PDE8B: variants seen among roughly 807,000 people sequenced by gnomAD.
The protein encoded by PDE8B is phosphodiesterase 8B, also known as high affinity cAMP-specific and IBMX-insensitive 3',5'-cyclic phosphodiesterase 8B.
In PDE8B, 26 loss-of-function variants were observed where a neutral mutation model predicts 101.3. The ratio of observed to expected loss-of-function variants is 0.26; its 90% CI spans 0.19 to 0.36. The LOEUF is 0.36. Among genes scored for constraint, PDE8B ranks in the 10% least tolerant of loss-of-function variants. The probability of loss-of-function intolerance (pLI) is 1.00; values close to 1 mark genes in which losing one functional copy is unlikely to be tolerated. For synonymous variants in PDE8B, 424 were observed against 429.3 expected (o/e 0.99, Z 0.15); for missense variants, 810 against 1,163.1 (o/e 0.70, Z 4.42).
intron 1 of PDE8B, among the ~76,000 whole-genome samples, chr5:77,215,155 T>C (rs1264662541): frequency 6.6e-6 from 1 of 152,166 alleles, no homozygotes; most frequent in African/African-American, 2.4e-5. Flanking sequence ...TAACCAACTC[T>C]GGTTTCTTGA....
chr5:77,171,830 C>G, the PDE8B span, among the ~76,000 whole-genome samples: 1 of 152,078 alleles, frequency 6.6e-6, no homozygotes, highest in Admixed American at 6.5e-5. Flanking sequence ...GCCCTGTGCT[C>G]GTGCCTTTCA....
At chr5:77,402,958 TATG>T (rs1426845569) in intron 11 of PDE8B, among the ~76,000 whole-genome samples, 3 of 152,334 alleles carry the variant, frequency 2.0e-5, no homozygotes, top group Non-Finnish European at 2.9e-5. Flanking sequence ...ATTCTTGGAA[TATG>T]ATCACTTATT....
chr5:77,353,531 A>G, intron 10 of PDE8B, 125 bp downstream of exon 10: 2 of 725,836 alleles, frequency 2.8e-6, no homozygotes, highest in Admixed American at 2.0e-5. Flanking sequence ...CCAATTAAGC[A>G]GATTTATGGG....
chr5:77,233,502 T>C (rs1754004868), intron 1 of PDE8B, among the ~76,000 whole-genome samples: 1 of 152,204 alleles, frequency 6.6e-6, no homozygotes, highest in Admixed American at 6.5e-5. Context: ...TATATCTGGA[T>C]GAGTAGCTTA....
the PDE8B span, chr5:77,151,100 T>C: frequency 6.6e-6 from 1 of 152,296 alleles, no homozygotes; most frequent in East Asian, 1.9e-4. Context: ...ACACTTCATG[T>C]CCTAGCCTCC....
chr5:77,228,282 A>T (rs1752845648), intron 1 of PDE8B, among the ~76,000 whole-genome samples: 1 of 152,096 alleles, frequency 6.6e-6, no homozygotes, highest in South Asian at 2.1e-4. Flanking sequence ...TATCAGTAAG[A>T]TGGTAGTCAT....
chr5:77,291,761 C>T (rs1163239384), intron 1 of PDE8B: 2 of 1,582,218 alleles, frequency 1.3e-6, no homozygotes, highest in African/African-American at 1.3e-5. Flanking sequence ...CTATCAACTA[C>T]AGTAAAGACT....
At chr5:77,356,419 C>T (rs1782118551) in intron 10 of PDE8B, among the ~76,000 whole-genome samples, 1 of 152,076 alleles carries the variant, frequency 6.6e-6, no homozygotes, top group Non-Finnish European at 1.5e-5. Context: ...TATATCTGCT[C>T]TTGTGTCTTG....
intron 7 of PDE8B, among the ~76,000 whole-genome samples, chr5:77,349,187 AGT>A (rs1197445339): frequency 6.6e-6 from 1 of 152,114 alleles, no homozygotes; most frequent in Non-Finnish European, 1.5e-5. Flanking sequence ...TCAGGATGGC[AGT>A]TGAATGAATA....
chr5:77,092,602 T>G, the PDE8B span: 2 of 152,258 alleles, frequency 1.3e-5, no homozygotes, highest in African/African-American at 4.8e-5. Flanking sequence ...AATTACAGCC[T>G]TGAAATCTGC....
At chr5:77,406,434 G>C (rs183912472) in intron 12 of PDE8B, among the ~76,000 whole-genome samples, 5 of 152,304 alleles carry the variant, frequency 3.3e-5, no homozygotes, top group African/African-American at 9.6e-5. Context: ...TGGATTGAGC[G>C]GATAGATAGA....
the PDE8B span, among the ~76,000 whole-genome samples, chr5:77,110,879 GT>G: frequency 6.6e-6 from 1 of 152,170 alleles, no homozygotes. Context: ...TATTCAGCCA[GT>G]TTCCTTTAGT....
upstream of PDE8B, among the ~76,000 whole-genome samples, chr5:77,205,534 T>C (rs1448978695): frequency 6.6e-6 from 1 of 152,126 alleles, no homozygotes; most frequent in African/African-American, 2.4e-5. Context: ...ATTCTCTCCC[T>C]TTTAAATTTA....
At chr5:77,164,157 C>T in the PDE8B span, among the ~76,000 whole-genome samples, 2 of 152,218 alleles carry the variant, frequency 1.3e-5, no homozygotes, top group Admixed American at 1.3e-4. Context: ...GCATCACATG[C>T]TTCCTGCCCT....
At chr5:77,138,209 C>CG in the PDE8B span, among the ~76,000 whole-genome samples, 1 of 151,754 alleles carries the variant, frequency 6.6e-6, no homozygotes, top group South Asian at 2.1e-4. Context: ...ATTTGGAGTC[C>CG]GGGGGGTGGC....
rs190158666 is a variant in PDE8B at position 77,260,581 on chromosome 5, C to T, written c.339+49317C>T. The stretch of plus-strand genomic sequence containing the variant: ...TTTACTGATAATTTTCACTGTGGCT[C>T]ATTTTTTTTTTTTTTTTTTTTTTGG... On this transcript the variant is annotated intron_variant, in intron 1 of 21. Transcript: ENST00000264917. 4.2e-3 allele frequency among the ~76,000 whole-genome samples: 546 copies of T among 131,402 alleles called. 4 individuals are homozygous for T. The highest frequency in any genetic ancestry group is 0.015 in the African/African-American group (516 of 33,628). The allele number at this position is 131,402 out of a possible 152,430, so 86.2% of individuals were successfully genotyped here. A position where few individuals can be genotyped will look rare whatever the true frequency, so the allele number is the denominator to read the frequency against.
intron 1 of PDE8B, 74 bp from the exon 2 acceptor site, chr5:77,311,920 C>T (rs1048325437): frequency 2.8e-5 from 32 of 1,161,572 alleles, no homozygotes; most frequent in Admixed American, 8.4e-5. Flanking sequence ...TAATGCAATG[C>T]GTTGCGTAAG....
the PDE8B span, among the ~76,000 whole-genome samples, chr5:77,116,075 A>T: frequency 1.3e-5 from 2 of 152,032 alleles, no homozygotes; most frequent in Non-Finnish European, 2.9e-5. Flanking sequence ...AAAGAGATAC[A>T]GCAATGACGA....
At chr5:77,224,948 A>T (rs1580414198) in intron 1 of PDE8B, among the ~76,000 whole-genome samples, 1 of 151,776 alleles carries the variant, frequency 6.6e-6, no homozygotes, top group Non-Finnish European at 1.5e-5. Context: ...GCTTGATAGG[A>T]TTCAGGTTTA....
Sources: gnomAD v4.1 joint callset for allele counts (sites outside exome capture counted in the v4.1 genomes callset) on GRCh38, gnomAD v4.1.1 for gene constraint, MANE v1.5 for transcripts, NCBI Gene and HGNC (gene_info 2026-07-23, HGNC 2026-07-21) for gene names.